Variants in GLYATL2 observed in about 807,000 individuals in gnomAD.
The protein encoded by GLYATL2 is glycine N-acyltransferase-like protein 2.
Under a neutral mutation model 21.4 loss-of-function variants are expected in GLYATL2, and 25 were observed. The observed-to-expected ratio is 1.17, with a 90% CI of 0.85 to 1.63. The LOEUF is 1.63. Among genes scored for constraint, GLYATL2 ranks in the 40% most tolerant of loss-of-function variants. The pLI, the probability that GLYATL2 is intolerant of heterozygous loss-of-function variation, is 0.00. For missense variants in GLYATL2, 361 were observed against 343.3 expected, an observed-to-expected ratio of 1.05 and a Z score of -0.41; for synonymous variants, 114 against 118.2, an observed-to-expected ratio of 0.96 and a Z score of 0.23.
upstream of GLYATL2, among the ~76,000 whole-genome samples, chr11:58,847,857 G>A (rs1298688665): frequency 6.6e-6 from 1 of 152,152 alleles, no homozygotes; most frequent in Non-Finnish European, 1.5e-5. Flanking sequence ...TAGCCAAGGA[G>A]TGATTACAGC....
At chr11:58,900,000 C>A (rs1854707584) in intron 1 of GLYATL2, among the ~76,000 whole-genome samples, 3 of 151,474 alleles carry the variant, frequency 2.0e-5, no homozygotes, top group Admixed American at 2.0e-4. Context: ...AAATAGGTAT[C>A]AGTAGTATTT....
chr11:58,879,270 T>C (rs1345938489), intron 1 of GLYATL2, among the ~76,000 whole-genome samples: 2 of 152,196 alleles, frequency 1.3e-5, no homozygotes, highest in African/African-American at 4.8e-5. Context: ...ATTCTTTCAC[T>C]ACCCAAAACA....
intron 1 of GLYATL2, among the ~76,000 whole-genome samples, chr11:58,850,809 C>CTG (rs1331291898): frequency 3.3e-5 from 5 of 152,032 alleles, no homozygotes; most frequent in Non-Finnish European, 5.9e-5. Context: ...GAGGGCCTGA[C>CTG]ATCAGTCAGG....
upstream of GLYATL2, chr11:58,905,514 C>A (rs1401558545): frequency 2.2e-6 from 1 of 456,300 alleles, no homozygotes. Context: ...TGCTCCCACT[C>A]GCAATCAAAA....
At chr11:58,854,579 A>T (rs1390529180) in intron 1 of GLYATL2, among the ~76,000 whole-genome samples, 2 of 152,250 alleles carry the variant, frequency 1.3e-5, no homozygotes, top group African/African-American at 4.8e-5. Context: ...ATGGCTGCTG[A>T]CCAGGGTGGG....
intron 1 of GLYATL2, among the ~76,000 whole-genome samples, chr11:58,899,223 A>G (rs1249880164): frequency 6.6e-6 from 1 of 152,076 alleles, no homozygotes; most frequent in Non-Finnish European, 1.5e-5. Context: ...AGTTCATAAA[A>G]TGAATGGACA....
chr11:58,857,610 C>T (rs1003634085), intron 1 of GLYATL2, among the ~76,000 whole-genome samples: 4 of 152,166 alleles, frequency 2.6e-5, no homozygotes, highest in South Asian at 2.1e-4. Context: ...GAACCACTAC[C>T]CCAGGTTGTG....
chr11:58,873,351 C>A (rs1040528823), intron 1 of GLYATL2, among the ~76,000 whole-genome samples: 1 of 152,036 alleles, frequency 6.6e-6, no homozygotes, highest in African/African-American at 2.4e-5. Context: ...AGAGGGCATC[C>A]CTGTCTTGTG....
intron 1 of GLYATL2, among the ~76,000 whole-genome samples, chr11:58,842,476 C>CTGTGTGTGTG (rs34133004): frequency 3.0e-5 from 4 of 134,748 alleles, no homozygotes; most frequent in East Asian, 2.2e-4. Flanking sequence ...GAGTGAGACT[C>CTGTGTGTGTG]TGTGTGTGTG....
chr11:58,899,145 C>T (rs376412756), intron 1 of GLYATL2, among the ~76,000 whole-genome samples: 4 of 152,094 alleles, frequency 2.6e-5, no homozygotes, highest in East Asian at 1.9e-4. Context: ...GGATGACTAG[C>T]GATGAGGGCT....
In GLYATL2 at chr11:58,850,636, T is replaced by C. The variant is rs571879518; in HGVS notation, n.61-12268A>G. On this transcript the variant is annotated intron_variant and non_coding_transcript_variant, in intron 1 of 4. Coordinates refer to the GLYATL2 transcript ENST00000533636. Reference sequence around the variant, plus strand: ...AGGGCCACTAGATGGCTCCTTGGTCTAGCAGTAATGCCAGCATCTGGGAAG... The same window carrying C: ...AGGGCCACTAGATGGCTCCTTGGTCCAGCAGTAATGCCAGCATCTGGGAAG... Among the ~76,000 whole-genome samples, 4 of 152,162 alleles carry C rather than the reference T, an allele frequency of 2.6e-5. No individual in the cohort carries two copies. The South Asian group carries it at 6.2e-4, about 24-fold the overall frequency.
intron 1 of GLYATL2, among the ~76,000 whole-genome samples, chr11:58,880,125 G>A (rs758849354): frequency 4.0e-4 from 61 of 152,000 alleles, no homozygotes; most frequent in Non-Finnish European, 5.4e-4. Flanking sequence ...CCCAAAGTGC[G>A]GGGATTACAG....
chr11:58,834,485 T>C lies in GLYATL2; in HGVS notation c.829A>G (p.Lys277Glu). ...TGATGCCAGCCACAAGGACAAATCT[T>C]AAACCCCAAATTGTTCAGTGCCTGT... ...SLQALNNLGF[K>E]ICPCGWHQWK... Residue 277 changes from lysine (K) to glutamate (E), a missense_variant, in exon 6 of 6, where the codon AAG becomes GAG. Physicochemically the swap from Lys to Glu is moderately conservative, Grantham distance 56. Transcript: ENST00000287275. 2 of 1,612,018 alleles carry C rather than the reference T, an allele frequency of 1.2e-6. No individual in the cohort carries two copies. The highest frequency in any genetic ancestry group is 1.7e-6 in the Non-Finnish European group (2 of 1,179,264).
intron 1 of GLYATL2, among the ~76,000 whole-genome samples, chr11:58,851,410 A>T (rs1287194376): frequency 1.3e-5 from 2 of 152,254 alleles, no homozygotes; most frequent in East Asian, 3.9e-4. Flanking sequence ...GCATATTTTG[A>T]ACTATCCTTG....
In GLYATL2 at chr11:58,837,340, G is replaced by A. The variant is rs17856514; in HGVS notation, c.244C>T (p.Pro82Ser). ...TNTYHIFTKA[P>S]DKLEEVLSYS... The stretch of plus-strand genomic sequence containing the variant: ...GACAGGACTTCCTCTAATTTGTCAG[G>A]AGCTTTGGTGAAGATGTGGTAAGTG... The change falls in exon 4 of 6, where the codon CCT becomes TCT. Residue 82 changes from proline (P) to serine (S), a missense_variant. Pro to Ser is a moderately conservative substitution (Grantham distance 74). Coordinates refer to ENST00000287275, the MANE Select transcript of GLYATL2 (RefSeq NM_145016.4). 6.2e-7 allele frequency: 1 copy of A among 1,613,842 alleles called. No homozygotes were observed. Among genetic ancestry groups the A allele is most frequent in the Non-Finnish European group, 8.5e-7 (1 of 1,179,756 alleles).
chr11:58,879,425 G>A (rs896037189), intron 1 of GLYATL2, among the ~76,000 whole-genome samples: 4 of 152,116 alleles, frequency 2.6e-5, no homozygotes, highest in African/African-American at 4.8e-5. Context: ...ACAATTGTCT[G>A]TGTGCAACTC....
At chr11:58,863,616 A>G (rs493659) in intron 1 of GLYATL2, among the ~76,000 whole-genome samples, 134,997 of 152,130 alleles carry the variant, frequency 0.89, 61,045 homozygotes, top group Non-Finnish European at 0.98. Flanking sequence ...GCCAGTCTAG[A>G]GCCTGAGACC....
chr11:58,841,146 T>G (rs1293503527), intron 1 of GLYATL2, among the ~76,000 whole-genome samples: 1 of 152,126 alleles, frequency 6.6e-6, no homozygotes, highest in Non-Finnish European at 1.5e-5. Flanking sequence ...TCTACACTAT[T>G]TTGATGGTTT....
chr11:58,888,735 T>C (rs562536323), intron 1 of GLYATL2, among the ~76,000 whole-genome samples: 3 of 152,082 alleles, frequency 2.0e-5, no homozygotes, highest in Non-Finnish European at 2.9e-5. Context: ...GAGTTCACCA[T>C]TGTACATTAT....
Sources: gnomAD v4.1 joint callset for allele counts (sites outside exome capture counted in the v4.1 genomes callset) on GRCh38, gnomAD v4.1.1 for gene constraint, MANE v1.5 for transcripts, NCBI Gene and HGNC (gene_info 2026-07-23, HGNC 2026-07-21) for gene names.